The following FRY variants were observed in gnomAD, a reference collection of about 807,000 sequenced individuals.
The protein encoded by FRY is FRY microtubule binding protein.
A neutral mutation model predicts 348.4 loss-of-function variants in FRY; 128 were observed. The observed-to-expected ratio is 0.37, with a 90% confidence interval of 0.32 to 0.43. The LOEUF is 0.43. FRY is among the 20% of genes least tolerant of loss of function. The probability of loss-of-function intolerance (pLI) is 1.00; values close to 1 mark genes in which losing one functional copy is unlikely to be tolerated. For synonymous variants in FRY, 1,370 were observed against 1,374.7 expected (o/e 1.00, Z 0.08); for missense variants, 2,736 against 3,695.2 (o/e 0.74, Z 6.73).
chr13:32,037,847 C>T (rs1263599052), intron 1 of FRY, among the ~76,000 whole-genome samples: 1 of 152,150 alleles, frequency 6.6e-6, no homozygotes, highest in African/African-American at 2.4e-5. Flanking sequence ...TTATTAGTAA[C>T]TTCCATATTT....
chr13:32,273,398 A>G (rs905934529), intron 55 of FRY, among the ~76,000 whole-genome samples: 4 of 150,050 alleles, frequency 2.7e-5, no homozygotes. Flanking sequence ...AATTTTTTGT[A>G]TTTTTAGTAG....
intron 1 of FRY, among the ~76,000 whole-genome samples, chr13:32,053,462 C>T (rs1166178859): frequency 1.3e-5 from 2 of 152,170 alleles, no homozygotes. Context: ...TGCTGCAGGA[C>T]AATTGCTGTT....
intron 1 of FRY, chr13:32,060,831 A>G (rs1240156470): frequency 1.0e-5 from 3 of 298,218 alleles, no homozygotes; most frequent in African/African-American, 2.2e-5. Flanking sequence ...GTTGTAGGTC[A>G]CTGTCTTACT....
In FRY at chr13:32,226,073, A is replaced by G. The variant is rs982743400; in HGVS notation, c.5206+99A>G. On this transcript the variant is annotated intron_variant, in intron 39 of 60. Coordinates refer to ENST00000542859, the MANE Select transcript of FRY (RefSeq NM_023037.3). ...AGCCCAAGTTAACTTCTCTCATGCT[A>G]TGACCTCCAACTTTCCACGTGGTAA... 6.1e-5 allele frequency: 58 copies of G among 953,736 alleles called. No homozygotes were observed. In the East Asian group the frequency reaches 1.3e-3, roughly 21 times the overall value. The allele number at this position is 953,736 out of a possible 1,614,324, so 59.1% of individuals were successfully genotyped here.
At chr13:32,079,078 A>G (rs1443733128) in intron 2 of FRY, 45 bp downstream of exon 2, 3 of 1,219,942 alleles carry the variant, frequency 2.5e-6, no homozygotes, top group Admixed American at 1.7e-5. Context: ...ATTCATCTGT[A>G]TGCTGAATAT....
chr13:32,256,449 C>T (rs984079136), intron 51 of FRY, among the ~76,000 whole-genome samples: 4 of 151,822 alleles, frequency 2.6e-5, no homozygotes, highest in Non-Finnish European at 5.9e-5. Flanking sequence ...GTGGGAATAT[C>T]GCTTAAGCCC....
chr13:32,102,836 T>C (rs1877253546), intron 3 of FRY, among the ~76,000 whole-genome samples: 1 of 152,238 alleles, frequency 6.6e-6, no homozygotes, highest in Admixed American at 6.5e-5. Flanking sequence ...AAGGACATTA[T>C]GTTCTTCAAA....
At chr13:32,172,307 G>A (rs1882136724) in intron 18 of FRY, among the ~76,000 whole-genome samples, 1 of 152,104 alleles carries the variant, frequency 6.6e-6, no homozygotes, top group African/African-American at 2.4e-5. Context: ...GAATATTGAT[G>A]TGGATGTGGG....
chr13:32,097,750 CTATCT>C (rs1876842958), intron 2 of FRY, among the ~76,000 whole-genome samples: 1 of 151,896 alleles, frequency 6.6e-6, no homozygotes, highest in Non-Finnish European at 1.5e-5. Context: ...AATAAAATTA[CTATCT>C]TATATGTTTG....
intron 55 of FRY, among the ~76,000 whole-genome samples, chr13:32,271,507 G>C (rs1888201530): frequency 6.6e-6 from 1 of 152,166 alleles, no homozygotes; most frequent in Non-Finnish European, 1.5e-5. Flanking sequence ...ACAGAGACTG[G>C]ATCCTCTGGT....
chr13:32,053,459 G>A (rs1403100252), intron 1 of FRY, among the ~76,000 whole-genome samples: 13 of 152,162 alleles, frequency 8.5e-5, no homozygotes, highest in Admixed American at 8.5e-4. Context: ...AAATGCTGCA[G>A]GACAATTGCT....
intron 15 of FRY, among the ~76,000 whole-genome samples, chr13:32,156,689 G>T (rs1881141231): frequency 2.0e-5 from 3 of 151,514 alleles, no homozygotes; most frequent in African/African-American, 7.3e-5. Context: ...AAATACAAAG[G>T]TATTTACTTT....
intron 56 of FRY, 124 bp downstream of exon 56, chr13:32,275,115 A>G: frequency 1.2e-6 from 1 of 844,448 alleles, no homozygotes; most frequent in Non-Finnish European, 1.9e-6. Flanking sequence ...GCGGTGGCTC[A>G]AGCCTGTAAT....
intron 1 of FRY, among the ~76,000 whole-genome samples, chr13:32,070,936 C>A (rs1324394464): frequency 6.6e-6 from 1 of 152,154 alleles, no homozygotes; most frequent in African/African-American, 2.4e-5. Flanking sequence ...ATATGGCTAG[C>A]CAGTTTTCCC....
At chr13:32,134,643 G>A (rs1785495654) in intron 8 of FRY, among the ~76,000 whole-genome samples, 2 of 152,190 alleles carry the variant, frequency 1.3e-5, no homozygotes, top group Non-Finnish European at 2.9e-5. Context: ...GTGCTTGCTG[G>A]TTAGAGATGC....
At chr13:32,076,917 G>A (rs1050254150) in intron 1 of FRY, among the ~76,000 whole-genome samples, 1 of 152,178 alleles carries the variant, frequency 6.6e-6, no homozygotes, top group Non-Finnish European at 1.5e-5. Flanking sequence ...CATAGGTAAT[G>A]TAGGATATAC....
chr13:32,293,456 T>C (rs1356790741), intron 59 of FRY, among the ~76,000 whole-genome samples: 1 of 152,172 alleles, frequency 6.6e-6, no homozygotes. Flanking sequence ...GTGAGTGAGT[T>C]GGGAATGAAG....
chr13:32,116,212 C>G (rs1878292882), intron 3 of FRY, among the ~76,000 whole-genome samples: 1 of 152,048 alleles, frequency 6.6e-6, no homozygotes, highest in Admixed American at 6.6e-5. Context: ...ATATGTATTT[C>G]CAGAGATGTT....
intron 1 of FRY, among the ~76,000 whole-genome samples, chr13:32,069,267 G>A (rs572291434): frequency 1.3e-5 from 2 of 152,022 alleles, no homozygotes; most frequent in African/African-American, 4.8e-5. Context: ...TCCCTCTAAC[G>A]GCTAAAAAGT....
Sources: gnomAD v4.1 joint callset for allele counts (sites outside exome capture counted in the v4.1 genomes callset) on GRCh38, gnomAD v4.1.1 for gene constraint, MANE v1.5 for transcripts, NCBI Gene and HGNC (gene_info 2026-07-23, HGNC 2026-07-21) for gene names.